Variants in SAXO1 observed in about 807,000 individuals in gnomAD.
The protein encoded by SAXO1 is stabilizer of axonemal microtubules 1.
SAXO1 carries 21 observed loss-of-function variants against 17.5 expected under a neutral mutation model. That is an observed-to-expected ratio of 1.20 (90% CI 0.85 to 1.72). The LOEUF (loss-of-function observed/expected upper bound fraction) is 1.72. Ranked by LOEUF, SAXO1 falls within the 40% of genes most tolerant of loss-of-function variation. The probability of loss-of-function intolerance (pLI) is 0.00; values close to 1 mark genes in which losing one functional copy is unlikely to be tolerated. For missense variants in SAXO1, 843 were observed against 596.0 expected, an observed-to-expected ratio of 1.41 and a Z score of -4.32; for synonymous variants, 274 against 216.5, an observed-to-expected ratio of 1.27 and a Z score of -2.33.
chr9:19,027,908 C>A, intron 1 of SAXO1: 1 of 1,373,166 alleles, frequency 7.3e-7, no homozygotes, highest in Non-Finnish European at 1.0e-6. Context: ...GGGCCAGAAT[C>A]ATGCAGATCC....
intron 1 of SAXO1, among the ~76,000 whole-genome samples, chr9:19,003,242 G>A (rs954298463): frequency 4.6e-5 from 7 of 152,196 alleles, no homozygotes; most frequent in Non-Finnish European, 7.3e-5. Context: ...CGAAATAAAA[G>A]AGGACACAAA....
At chr9:19,045,182 C>T (rs923452845) in intron 1 of SAXO1, among the ~76,000 whole-genome samples, 6 of 150,572 alleles carry the variant, frequency 4.0e-5, no homozygotes, top group South Asian at 4.2e-4. Flanking sequence ...CGGTGGCGGG[C>T]GCCTGTAGTC....
chr9:18,987,763 G>A (rs2131834322), intron 1 of SAXO1, among the ~76,000 whole-genome samples: 1 of 152,098 alleles, frequency 6.6e-6, no homozygotes, highest in East Asian at 1.9e-4. Context: ...TAGGTGTGGT[G>A]GCACATGCCT....
chr9:18,928,083 G>T lies in SAXO1; in HGVS notation c.1394C>A (p.Pro465His). The change falls in exon 4 of 4, where the codon CCC becomes CAC. Residue 465 changes from proline (P) to histidine (H), a missense_variant. Pro to His is a moderately conservative substitution (Grantham distance 77). Coordinates refer to ENST00000380534, the MANE Select transcript of SAXO1 (RefSeq NM_153707.4). ...TAACACTTCCAACTCCCTCTGGTTGGGGTTTTCTGAATCATCTACAGAAAG... is the reference window on the plus strand; with the variant it reads ...TAACACTTCCAACTCCCTCTGGTTGTGGTTTTCTGAATCATCTACAGAAAG... ...SHLSVDDSEN[P>H]NQRELEVLA The T allele has an allele frequency of 6.2e-7, 1 of 1,609,190 alleles. No individual in the cohort carries two copies.
intron 1 of SAXO1, among the ~76,000 whole-genome samples, chr9:19,015,346 G>C (rs1226761960): frequency 6.6e-6 from 1 of 151,892 alleles, no homozygotes; most frequent in African/African-American, 2.4e-5. Flanking sequence ...TTTTTGTTTT[G>C]TTATTTTTTG....
At chr9:19,033,696 A>C (rs946981818), upstream of SAXO1, among the ~76,000 whole-genome samples, 2 of 152,200 alleles carry the variant, frequency 1.3e-5, no homozygotes, top group African/African-American at 4.8e-5. Context: ...GTGGGTTCTC[A>C]ATCACTTCTC....
chr9:19,043,484 G>A lies in SAXO1; in HGVS notation c.-158+5725C>T, dbSNP rs553550745. Among the ~76,000 whole-genome samples, 26 of 151,500 alleles carry A rather than the reference G, an allele frequency of 1.7e-4. No individual in the cohort carries two copies. In the South Asian group the frequency reaches 2.5e-3, roughly 15 times the overall value. On this transcript the variant is annotated intron_variant, in intron 1 of 3. Transcript: ENST00000542071. ...AGAAAGAAGGAGTAAGACCTAGTAG[G>A]GGCCAGGCATGGTGGCTCACACCTG...
rs200087979 is a variant in SAXO1 at position 18,928,354 on chromosome 9, G to C, written c.1123C>G (p.Arg375Gly). ...GGCAGGTGGGGCACATAGTGGGCCCGAGTGGTGGTCAGGCAGTCCAGGGGC... is the reference window on the plus strand; with the variant it reads ...GGCAGGTGGGGCACATAGTGGGCCCCAGTGGTGGTCAGGCAGTCCAGGGGC... ...TEPLDCLTTT[R>G]AHYVPHLPIN... is the part of the protein sequence containing the mutation. The change falls in exon 4 of 4, where the codon CGG becomes GGG. Residue 375 changes from arginine to glycine, a missense_variant. Physicochemically the swap from Arg to Gly is moderately radical, Grantham distance 125 (BLOSUM62 -2). Transcript: ENST00000380534. 2 of 1,613,350 alleles carry C rather than the reference G, an allele frequency of 1.2e-6. No homozygotes were observed. Among genetic ancestry groups the C allele is most frequent in the Admixed American group, 1.7e-5 (1 of 59,962 alleles).
intron 3 of SAXO1, among the ~76,000 whole-genome samples, chr9:18,930,802 T>C (rs1228293457): frequency 6.6e-6 from 1 of 152,188 alleles, no homozygotes; most frequent in Non-Finnish European, 1.5e-5. Flanking sequence ...CCCGGCCTAC[T>C]GCTGGCATTC....
intron 1 of SAXO1, 32 bp from the exon 2 acceptor site, chr9:18,950,969 T>G (rs781438092): frequency 6.3e-7 from 1 of 1,582,638 alleles, no homozygotes; most frequent in Non-Finnish European, 8.6e-7. Flanking sequence ...GTTGATTACC[T>G]TCTTGGGAGA....
chr9:18,998,411 G>C (rs1834100471), intron 1 of SAXO1, among the ~76,000 whole-genome samples: 1 of 152,054 alleles, frequency 6.6e-6, no homozygotes, highest in Admixed American at 6.6e-5. Context: ...GACAAGATTA[G>C]AGAAAAAAGA....
chr9:18,930,076 G>T lies in SAXO1; in HGVS notation c.422-1021C>A, dbSNP rs191902551. Among the ~76,000 whole-genome samples, 3 of 152,272 alleles carry T rather than the reference G, an allele frequency of 2.0e-5. No individual in the cohort carries two copies. In the South Asian group the frequency reaches 6.2e-4, roughly 32 times the overall value. On this transcript the variant is annotated intron_variant, in intron 3 of 3. Transcript: ENST00000380534. ...AGTGAGGTGAGTTGGAATTTAAACC[G>T]TATTGTTGTCTCCAAAGCCATGTTC...
intron 1 of SAXO1, among the ~76,000 whole-genome samples, chr9:18,962,398 C>A (rs1832524522): frequency 6.6e-6 from 1 of 152,170 alleles, no homozygotes; most frequent in Admixed American, 6.5e-5. Flanking sequence ...CTCTAATGAC[C>A]AGTGATGAGC....
chr9:18,997,340 G>A (rs749594982), intron 1 of SAXO1, among the ~76,000 whole-genome samples: 6 of 152,254 alleles, frequency 3.9e-5, no homozygotes, highest in Non-Finnish European at 8.8e-5. Context: ...CCTTCTCACT[G>A]CTAGCGCAGC....
intron 1 of SAXO1, among the ~76,000 whole-genome samples, chr9:19,025,642 T>C (rs938984841): frequency 6.6e-6 from 1 of 152,194 alleles, no homozygotes; most frequent in Non-Finnish European, 1.5e-5. Flanking sequence ...ATACTACCAA[T>C]GCTTCATAAA....
chr9:18,983,111 A>T (rs1833464070), intron 1 of SAXO1, among the ~76,000 whole-genome samples: 1 of 152,226 alleles, frequency 6.6e-6, no homozygotes, highest in South Asian at 2.1e-4. Flanking sequence ...GCAAAAATAC[A>T]AAGTGTATTA....
chr9:18,956,502 T>C (rs1832264343), intron 1 of SAXO1, among the ~76,000 whole-genome samples: 1 of 152,138 alleles, frequency 6.6e-6, no homozygotes, highest in South Asian at 2.1e-4. Flanking sequence ...CCTAGCCTCA[T>C]GTGGGCAGTG....
At chr9:19,004,740 A>T (rs1410034190) in intron 1 of SAXO1, among the ~76,000 whole-genome samples, 1 of 152,152 alleles carries the variant, frequency 6.6e-6, no homozygotes, top group South Asian at 2.1e-4. Context: ...AAGGGGAGGG[A>T]TAGCGCTGGG....
chr9:19,015,947 G>C (rs566537981), intron 1 of SAXO1, among the ~76,000 whole-genome samples: 2 of 152,260 alleles, frequency 1.3e-5, no homozygotes, highest in African/African-American at 4.8e-5. Context: ...TAAAGTGTAT[G>C]AAGTAGGGCC....
Sources: allele counts gnomAD v4.1 joint callset (sites outside exome capture counted in the v4.1 genomes callset), GRCh38; gene constraint gnomAD v4.1.1; transcripts MANE v1.5; gene names NCBI Gene and HGNC (gene_info 2026-07-23, HGNC 2026-07-21).